The following SPDL1 variants were observed in gnomAD, a reference collection of about 807,000 sequenced individuals.
The protein encoded by SPDL1 is spindle apparatus coiled-coil protein 1, also known as protein Spindly.
SPDL1 carries 85 observed loss-of-function variants against 79.5 expected under a neutral mutation model. The observed-to-expected ratio is 1.07, with a 90% CI of 0.90 to 1.28. The LOEUF (loss-of-function observed/expected upper bound fraction) is 1.28, where lower values mean the gene tolerates loss of function less well. SPDL1 is among the 50% of genes most tolerant of loss of function. The probability of loss-of-function intolerance (pLI) is 0.00; values close to 1 mark genes in which losing one functional copy is unlikely to be tolerated. For synonymous variants in SPDL1, 269 were observed against 240.3 expected (o/e 1.12, Z -1.10); for missense variants, 703 against 697.8 (o/e 1.01, Z -0.08).
chr5:169,598,894 T>C (rs1755734506), intron 9 of SPDL1, 78 bp from the exon 10 acceptor site: 2 of 1,465,094 alleles, frequency 1.4e-6, no homozygotes, highest in Non-Finnish European at 1.8e-6. Flanking sequence ...AATTCAAATA[T>C]GCGATGAAAT....
chr5:169,604,267 G>A lies in SPDL1; in HGVS notation c.*60G>A. 1.4e-6 allele frequency: 2 copies of A among 1,426,040 alleles called. No individual in the cohort carries two copies. The highest frequency in any genetic ancestry group is 2.6e-5 in the East Asian group (1 of 38,090). 88.3% of individuals were successfully genotyped at this position (1,426,040 alleles called of 1,614,324 possible). ...CCTCAAAAGTTACTATGGTGCTTAAGATTGTCTTGATCTGACATATATCAC... is the reference window on the plus strand; with the variant it reads ...CCTCAAAAGTTACTATGGTGCTTAAAATTGTCTTGATCTGACATATATCAC... On this transcript the variant is annotated 3_prime_UTR_variant, in exon 12 of 12. Transcript: ENST00000265295.
chr5:169,590,023 A>G (rs188251686), intron 2 of SPDL1, among the ~76,000 whole-genome samples: 25 of 152,326 alleles, frequency 1.6e-4, no homozygotes, highest in Admixed American at 1.4e-3. Flanking sequence ...CTGCATTGCT[A>G]ATTATCTCTA....
In SPDL1 at chr5:169,599,057, C is replaced by A; in HGVS notation, c.1222C>A (p.Arg408=). ...GAGCCAGCGGGCTCTAGATATTGAG[C>A]GAAAACTTTTTGCAAATGAAAGATG... ...FESQRALDIE[R]KLFANERCLQ... The change falls in exon 10 of 12, where the codon CGA becomes AGA. Residue 408 remains arginine, a synonymous_variant. Transcript: ENST00000265295. The A allele has an allele frequency of 6.2e-7, 1 of 1,600,830 alleles. No homozygotes were observed. Among genetic ancestry groups the A allele is most frequent in the Non-Finnish European group, 8.5e-7 (1 of 1,170,174 alleles).
rs368828859 is a variant in SPDL1 at position 169,593,334 on chromosome 5, T to A, written c.337-20T>A. On this transcript the variant is annotated intron_variant, in intron 3 of 11. Coordinates refer to ENST00000265295, the MANE Select transcript of SPDL1 (RefSeq NM_017785.5). ...AAGAAAATAACTTTCAATTTATGAC[T>A]TTTTTTTTTTTGGCTTTAGATAGAA... 2.7e-4 allele frequency: 87 copies of A among 321,574 alleles called. No individual in the cohort carries two copies. Among genetic ancestry groups the A allele is most frequent in the Non-Finnish European group, 3.9e-4 (82 of 211,930 alleles). 19.9% of individuals were successfully genotyped at this position (321,574 alleles called of 1,614,324 possible).
intron 2 of SPDL1, among the ~76,000 whole-genome samples, chr5:169,589,988 C>T (rs987481200): frequency 2.6e-5 from 4 of 152,154 alleles, no homozygotes; most frequent in African/African-American, 4.8e-5. Flanking sequence ...CCGTTGTGCC[C>T]GGCCCTGATT....
rs762973292 is a variant in SPDL1 at position 169,593,424 on chromosome 5, A to C, written c.407A>C (p.His136Pro). The C allele has an allele frequency of 1.9e-6, 3 of 1,613,998 alleles. No homozygotes were observed. In the African/African-American group the frequency reaches 4.0e-5, roughly 22 times the overall value. ...SEKQLKHQVD[H>P]QKELLSCKSE... is the part of the protein sequence containing the mutation. ...AAGCAGCTGAAGCACCAAGTAGATC[A>C]TCAGAAGGAACTCCTCTCTTGTAAA... Residue 136 changes from histidine (H) to proline (P), a missense_variant, in exon 4 of 12, where the codon CAT becomes CCT. Coordinates refer to ENST00000265295, the MANE Select transcript of SPDL1 (RefSeq NM_017785.5).
At position 169,601,364 on chromosome 5, in the gene SPDL1, A is replaced by G. The variant is rs776866964; in HGVS notation, c.1409A>G (p.Asn470Ser). ...ITTAKDACVN[N>S]SALGGEVYRL... The stretch of plus-strand genomic sequence containing the variant: ...ACCGCTAAAGATGCATGTGTCAACA[A>G]CAGTGCTCTCGGGGGAGAAGTTTAT... Residue 470 changes from asparagine to serine, a missense_variant, in exon 11 of 12, where the codon AAC becomes AGC. By Grantham distance (46) the Asn-to-Ser change is conservative. Coordinates refer to ENST00000265295, the MANE Select transcript of SPDL1 (RefSeq NM_017785.5). 1.2e-6 allele frequency: 2 copies of G among 1,614,024 alleles called. No individual in the cohort carries two copies. The highest frequency in any genetic ancestry group is 1.7e-5 in the Admixed American group (1 of 59,994).
Position 169,591,233 on chromosome 5 carries a change from A to G in SPDL1, c.336+9A>G. On this transcript the variant is annotated intron_variant, in intron 3 of 11. Transcript: ENST00000265295. ...ATGAACTAAAAACTAAGGTTGGGAT[A>G]TCTGCGTATTTCAGCACAAAATATT... 1 of 1,610,870 alleles carries G rather than the reference A, an allele frequency of 6.2e-7. No individual in the cohort carries two copies. The highest frequency in any genetic ancestry group is 8.5e-7 in the Non-Finnish European group (1 of 1,178,468).
At chr5:169,592,103 T>C (rs1327780505) in intron 3 of SPDL1, among the ~76,000 whole-genome samples, 1 of 152,172 alleles carries the variant, frequency 6.6e-6, no homozygotes, top group East Asian at 1.9e-4. Flanking sequence ...TATAGCAGCC[T>C]CTAAGATTTT....
chr5:169,589,733 A>C, intron 2 of SPDL1, among the ~76,000 whole-genome samples: 2 of 145,854 alleles, frequency 1.4e-5, no homozygotes, highest in African/African-American at 2.5e-5. Context: ...ACAGGGTCTC[A>C]CTCTGTCGCC....
intron 8 of SPDL1, among the ~76,000 whole-genome samples, chr5:169,597,229 C>T (rs1317571814): frequency 1.9e-5 from 2 of 106,020 alleles, no homozygotes; most frequent in East Asian, 5.7e-4. Flanking sequence ...TTTGTGTAAG[C>T]ATTTGTGTGT....
In SPDL1 at chr5:169,590,999, G is replaced by A. The variant is rs140922140; in HGVS notation, c.160-49G>A. On this transcript the variant is annotated intron_variant, in intron 2 of 11. Transcript: ENST00000265295. The stretch of plus-strand genomic sequence containing the variant: ...AGTTGAAAACTGATTGTATGTAATG[G>A]CTTTAGGCTATTTTTATGTAATTGA... 594 of 1,474,732 alleles carry A rather than the reference G, an allele frequency of 4.0e-4. 2 individuals are homozygous for A. Among genetic ancestry groups the A allele is most frequent in the Middle Eastern group, 3.0e-3 (17 of 5,704 alleles). 91.4% of individuals were successfully genotyped at this position (1,474,732 alleles called of 1,614,324 possible).
At chr5:169,598,920 C>A in intron 9 of SPDL1, 52 bp from the exon 10 acceptor site, 2 of 1,494,132 alleles carry the variant, frequency 1.3e-6, no homozygotes, top group Non-Finnish European at 1.8e-6. Flanking sequence ...TACCACTACA[C>A]TTATTATATG....
At chr5:169,590,557 A>G (rs1755220399) in intron 2 of SPDL1, among the ~76,000 whole-genome samples, 1 of 152,240 alleles carries the variant, frequency 6.6e-6, no homozygotes, top group South Asian at 2.1e-4. Context: ...TCAGCTCTGC[A>G]TTCATTCTGA....
At position 169,591,234 on chromosome 5, in the gene SPDL1, T is replaced by G. The variant is rs377082423; in HGVS notation, c.336+10T>G. The G allele has an allele frequency of 2.2e-5, 36 of 1,606,584 alleles. No homozygotes were observed. Among genetic ancestry groups the G allele is most frequent in the Non-Finnish European group, 2.9e-5 (34 of 1,176,322 alleles). ...TGAACTAAAAACTAAGGTTGGGATA[T>G]CTGCGTATTTCAGCACAAAATATTC... is the stretch of plus-strand genomic sequence containing the variant. On this transcript the variant is annotated intron_variant, in intron 3 of 11. Transcript: ENST00000265295.
At chr5:169,589,928 C>A (rs1002472410) in intron 2 of SPDL1, among the ~76,000 whole-genome samples, 2 of 152,116 alleles carry the variant, frequency 1.3e-5, no homozygotes, top group African/African-American at 4.8e-5. Flanking sequence ...GTCTTGAACT[C>A]CTGGCTTCAC....
intron 1 of SPDL1, among the ~76,000 whole-genome samples, chr5:169,586,936 T>C (rs774474719): frequency 1.3e-5 from 2 of 152,208 alleles, no homozygotes; most frequent in Admixed American, 6.5e-5. Flanking sequence ...AAAGTCCTTA[T>C]AATGGCCTGA....
chr5:169,604,238 C>T lies in SPDL1; in HGVS notation c.*31C>T, dbSNP rs755927777. On this transcript the variant is annotated 3_prime_UTR_variant, in exon 12 of 12. Coordinates refer to ENST00000265295, the MANE Select transcript of SPDL1 (RefSeq NM_017785.5). ...TGTCTTTAATAAGAGTACGGTGCCA[C>T]TTGCCTCAAAAGTTACTATGGTGCT... is the stretch of plus-strand genomic sequence containing the variant. 41 of 1,515,614 alleles carry T rather than the reference C, an allele frequency of 2.7e-5. No homozygotes were observed. Among genetic ancestry groups the T allele is most frequent in the Admixed American group, 1.6e-4 (7 of 45,158 alleles). 93.9% of individuals were successfully genotyped at this position (1,515,614 alleles called of 1,614,324 possible). A position where few individuals can be genotyped will look rare whatever the true frequency, so the allele number is the denominator to read the frequency against.
Position 169,588,534 on chromosome 5 carries a change from C to A in SPDL1, c.118C>A (p.Gln40Lys). ...LVESQNELQN[Q>K]LDKCRNEMMT... ...AGAGAGTCAAAATGAATTACAGAATCAATTGGATAAATGTCGTAATGAAAT... is the reference window on the plus strand; with the variant it reads ...AGAGAGTCAAAATGAATTACAGAATAAATTGGATAAATGTCGTAATGAAAT... The change falls in exon 2 of 12, where the codon CAA becomes AAA. Residue 40 changes from glutamine to lysine, a missense_variant. Physicochemically the swap from Gln to Lys is moderately conservative, Grantham distance 53 (BLOSUM62 1). Transcript: ENST00000265295. 1 of 1,613,378 alleles carries A rather than the reference C, an allele frequency of 6.2e-7. No individual in the cohort carries two copies. The highest frequency in any genetic ancestry group is 1.1e-5 in the South Asian group (1 of 90,934).
Sources: allele counts gnomAD v4.1 joint callset (sites outside exome capture counted in the v4.1 genomes callset), GRCh38; gene constraint gnomAD v4.1.1; transcripts MANE v1.5; gene names NCBI Gene and HGNC (gene_info 2026-07-23, HGNC 2026-07-21).